The following AZGP1 variants were observed in gnomAD, a reference collection of about 807,000 sequenced individuals.
AZGP1 encodes alpha-2-glycoprotein 1, zinc-binding.
In AZGP1, 28 loss-of-function variants were observed where a neutral mutation model predicts 31.5. The ratio of observed to expected loss-of-function variants is 0.89; its 90% CI spans 0.66 to 1.22. The LOEUF is 1.22. AZGP1 is among the 50% of genes most tolerant of loss of function. The pLI is 0.00. For synonymous variants in AZGP1, 135 were observed against 145.4 expected, an observed-to-expected ratio of 0.93 and a Z score of 0.51; for missense variants, 361 against 371.8, an observed-to-expected ratio of 0.97 and a Z score of 0.24.
rs200384039 is a variant in AZGP1 at position 99,968,266 on chromosome 7, A to G, written c.502T>C (p.Trp168Arg). ...TGCACGTAGACTGGTTCTGCCTCCC[A>G]CTTCTGCTTGGTTATCTGGGCTGCT... is the stretch of plus-strand genomic sequence containing the variant. Reference protein sequence around the residue: ...DPAAQITKQKWEAEPVYVQRA... With the variant: ...DPAAQITKQKREAEPVYVQRA... The change falls in exon 3 of 4, where the codon TGG becomes CGG. Residue 168 changes from tryptophan to arginine, a missense_variant. Trp to Arg is a moderately radical substitution (Grantham distance 101). Transcript: ENST00000292401. 1.5e-5 allele frequency: 24 copies of G among 1,613,404 alleles called. No homozygotes were observed. In the East Asian group the frequency reaches 5.1e-4, roughly 35 times the overall value.
At chr7:99,972,448 G>A (rs2115686707) in intron 1 of AZGP1, among the ~76,000 whole-genome samples, 1 of 152,304 alleles carries the variant, frequency 6.6e-6, no homozygotes, top group East Asian at 1.9e-4. Flanking sequence ...CAATTGGCCT[G>A]GATCCCTGAG....
At chr7:99,972,427 G>T (rs1789594207) in intron 1 of AZGP1, among the ~76,000 whole-genome samples, 1 of 152,196 alleles carries the variant, frequency 6.6e-6, no homozygotes, top group African/African-American at 2.4e-5. Context: ...ATATGAAAGA[G>T]TCTCAATATG....
At chr7:99,972,108 C>T in intron 1 of AZGP1, 102 bp from the exon 2 acceptor site, 1 of 1,354,022 alleles carries the variant, frequency 7.4e-7, no homozygotes, top group Non-Finnish European at 9.9e-7. Context: ...TTTTCTTCCC[C>T]AGCTCTTTCT....
chr7:99,971,875 G>T lies in AZGP1; in HGVS notation c.208C>A (p.Pro70Thr), dbSNP rs780500911. The change falls in exon 2 of 4, where the codon CCC (proline) becomes ACC (threonine). Residue 70 changes from proline to threonine, a missense_variant. Transcript: ENST00000292401. ...TCCACCTGTCTCCAGAGTCCCATGG[G>T]CTGAGACTTCCTGTCTTTACTGTTG... The part of the protein sequence containing the change: ...RYNSKDRKSQ[P>T]MGLWRQVEGM... The T allele has an allele frequency of 6.2e-7, 1 of 1,614,174 alleles. No homozygotes were observed. Among genetic ancestry groups the T allele is most frequent in the South Asian group, 1.1e-5 (1 of 91,080 alleles).
At position 99,967,223 on chromosome 7, in the gene AZGP1, A is replaced by G. The variant is rs1789497251; in HGVS notation, c.677T>C (p.Leu226Pro). The G allele has an allele frequency of 3.1e-6, 5 of 1,613,746 alleles. No homozygotes were observed. The highest frequency in any genetic ancestry group is 1.7e-4 in the Middle Eastern group (1 of 6,044). Reference protein sequence around the residue: ...APGEKKKLKCLAYDFYPGKID... With the variant: ...APGEKKKLKCPAYDFYPGKID... The stretch of plus-strand genomic sequence containing the variant: ...TTTCCCTGGGTAGAAGTCGTAGGCC[A>G]GGCACTTCAGTTTCTTCTTTTCTCC... Residue 226 changes from leucine to proline, a missense_variant, in exon 4 of 4, where the codon CTG becomes CCG. Leu to Pro is a moderately conservative substitution (Grantham distance 98). Transcript: ENST00000292401.
intron 1 of AZGP1, among the ~76,000 whole-genome samples, chr7:99,975,194 C>T (rs959891365): frequency 2.0e-5 from 3 of 151,654 alleles, no homozygotes; most frequent in Non-Finnish European, 4.4e-5. Flanking sequence ...AGTTCTGTTT[C>T]TCTGGAGAAC....
Position 99,968,250 on chromosome 7 carries a change from A to C in AZGP1, c.518T>G (p.Val173Gly). The C allele has an allele frequency of 6.2e-7, 1 of 1,613,710 alleles. No individual in the cohort carries two copies. Among genetic ancestry groups the C allele is most frequent in the Non-Finnish European group, 8.5e-7 (1 of 1,179,958 alleles). The change falls in exon 3 of 4, where the codon GTC (valine) becomes GGC (glycine). Residue 173 changes from valine to glycine, a missense_variant. Coordinates refer to ENST00000292401, the MANE Select transcript of AZGP1 (RefSeq NM_001185.4). The part of the protein sequence containing the change: ...ITKQKWEAEP[V>G]YVQRAKAYLE... ...GTAAGCCTTGGCCCGCTGCACGTAG[A>C]CTGGTTCTGCCTCCCACTTCTGCTT...
intron 1 of AZGP1, among the ~76,000 whole-genome samples, chr7:99,972,351 C>T (rs1789593115): frequency 6.6e-6 from 1 of 152,216 alleles, no homozygotes; most frequent in Non-Finnish European, 1.5e-5. Flanking sequence ...GTCCAAGACC[C>T]TACCAGCTGG....
At chr7:99,974,938 T>G (rs942989462) in intron 1 of AZGP1, among the ~76,000 whole-genome samples, 28 of 152,194 alleles carry the variant, frequency 1.8e-4, no homozygotes, top group African/African-American at 6.8e-4. Flanking sequence ...GCCTACAGTC[T>G]GCCCTTGGAA....
chr7:99,968,012 G>A, intron 3 of AZGP1, 143 bp downstream of exon 3: 1 of 1,132,512 alleles, frequency 8.8e-7, no homozygotes, highest in Non-Finnish European at 1.3e-6. Flanking sequence ...CCCAGGGAAG[G>A]AATAAATCCT....
At chr7:99,969,898 A>G (rs1276202800) in intron 2 of AZGP1, among the ~76,000 whole-genome samples, 1 of 152,026 alleles carries the variant, frequency 6.6e-6, no homozygotes, top group Admixed American at 6.6e-5. Flanking sequence ...ATTAGCCACA[A>G]CTCTCAGAAA....
chr7:99,971,689 T>TG (rs767880686), intron 2 of AZGP1, 57 bp downstream of exon 2: 65 of 1,565,718 alleles, frequency 4.2e-5, no homozygotes, highest in Non-Finnish European at 4.9e-5. Context: ...CCACTCACAC[T>TG]GGGGGGGCTG....
chr7:99,967,685 G>C (rs1163057934), intron 3 of AZGP1: 3 of 404,360 alleles, frequency 7.4e-6, no homozygotes, highest in Admixed American at 8.6e-5. Flanking sequence ...GTCTCAGCTT[G>C]CAGCCATCAA....
chr7:99,971,004 G>A (rs1463807825), intron 2 of AZGP1, among the ~76,000 whole-genome samples: 1 of 152,132 alleles, frequency 6.6e-6, no homozygotes, highest in African/African-American at 2.4e-5. Context: ...GCCCTTCCTG[G>A]GTCTGCATCG....
Position 99,975,873 on chromosome 7 carries a change from C to A in AZGP1, c.76+72G>T, listed in dbSNP as rs1056598747. 29 of 1,557,160 alleles carry A rather than the reference C, an allele frequency of 1.9e-5. No homozygotes were observed. In the Middle Eastern group the frequency reaches 1.5e-3, roughly 81 times the overall value. ...TATCCCAGCTGCATCCAGCCTGTCT[C>A]CCAGCCACATGTCCTGTTCCTCACC... On this transcript the variant is annotated intron_variant, in intron 1 of 3. Coordinates refer to ENST00000292401, the MANE Select transcript of AZGP1 (RefSeq NM_001185.4).
Position 99,966,815 on chromosome 7 carries a change from G to C in AZGP1, c.*188C>G. 1 of 806,232 alleles carries C rather than the reference G, an allele frequency of 1.2e-6. No homozygotes were observed. Among genetic ancestry groups the C allele is most frequent in the Non-Finnish European group, 1.9e-6 (1 of 519,894 alleles). 49.9% of individuals were successfully genotyped at this position (806,232 alleles called of 1,614,324 possible). ...TGGGCTCAAGGTGAGATGATTTTTT[G>C]GGTCCAAGTCTACTCAAGACAGGCA... On this transcript the variant is annotated 3_prime_UTR_variant, in exon 4 of 4. Transcript: ENST00000292401.
At position 99,971,838 on chromosome 7, in the gene AZGP1, T is replaced by C. The variant is rs753979026; in HGVS notation, c.245A>G (p.Asp82Gly). 2.5e-6 allele frequency: 4 copies of C among 1,614,080 alleles called. No individual in the cohort carries two copies. In the Admixed American group the frequency reaches 6.7e-5, roughly 27 times the overall value. ...CTGAAGTTGGCTGTCCTGCTTCCAA[T>C]CCTCCATTCCTTCCACCTGTCTCCA... ...GLWRQVEGME[D>G]WKQDSQLQKA... is the part of the protein sequence containing the mutation. Residue 82 changes from aspartate to glycine, a missense_variant, in exon 2 of 4, where the codon GAT becomes GGT. Transcript: ENST00000292401.
chr7:99,970,571 A>G (rs1789561058), intron 2 of AZGP1, among the ~76,000 whole-genome samples: 2 of 151,502 alleles, frequency 1.3e-5, no homozygotes. Flanking sequence ...CCCTGTGTTC[A>G]TCTCCTCATC....
Position 99,968,332 on chromosome 7 carries a change from C to T in AZGP1, c.436G>A (p.Glu146Lys), listed in dbSNP as rs375706788. The change falls in exon 3 of 4, where the codon GAA (glutamate) becomes AAA (lysine). Residue 146 changes from glutamate (E) to lysine (K), a missense_variant. Coordinates refer to ENST00000292401, the MANE Select transcript of AZGP1 (RefSeq NM_001185.4). The stretch of plus-strand genomic sequence containing the variant: ...CAGGCTGGGATTTCTTTGTTGAATT[C>T]AATGTAGTCCTTTCCATCATAGTAA... Reference protein sequence around the residue: ...KYYYDGKDYIEFNKEIPAWVP... With the variant: ...KYYYDGKDYIKFNKEIPAWVP... The T allele has an allele frequency of 9.0e-5, 146 of 1,613,584 alleles. No homozygotes were observed. Among genetic ancestry groups the T allele is most frequent in the Non-Finnish European group, 9.3e-5 (110 of 1,179,952 alleles).
Sources: allele counts gnomAD v4.1 joint callset (sites outside exome capture counted in the v4.1 genomes callset), GRCh38; gene constraint gnomAD v4.1.1; transcripts MANE v1.5; gene names NCBI Gene and HGNC (gene_info 2026-07-23, HGNC 2026-07-21).